The following PRDM7 variants were observed in gnomAD, a reference collection of about 807,000 sequenced individuals.
PRDM7 encodes the protein histone-lysine N-methyltransferase PRDM7.
Under a neutral mutation model 64.3 loss-of-function variants are expected in PRDM7, and 52 were observed. The ratio of observed to expected loss-of-function variants is 0.81; its 90% CI spans 0.65 to 1.02. The LOEUF is 1.02. Ranked by LOEUF, PRDM7 falls within the 50% of genes least tolerant of loss-of-function variation. PRDM7 has a pLI of 0.00. For missense variants in PRDM7, 574 were observed against 597.1 expected, an observed-to-expected ratio of 0.96 and a Z score of 0.40; for synonymous variants, 192 against 210.1, an observed-to-expected ratio of 0.91 and a Z score of 0.74.
chr16:90,072,033 A>G (rs2037965920), intron 4 of PRDM7, among the ~76,000 whole-genome samples: 1 of 152,196 alleles, frequency 6.6e-6, no homozygotes, highest in African/African-American at 2.4e-5. Context: ...GATCGAGACC[A>G]TCCTGGCTAA....
Position 90,060,630 on chromosome 16 carries a change from T to A in PRDM7, c.951-7A>T, listed in dbSNP as rs576816887. 3.1e-6 allele frequency: 5 copies of A among 1,613,880 alleles called. No individual in the cohort carries two copies. Among genetic ancestry groups the A allele is most frequent in the Non-Finnish European group, 4.2e-6 (5 of 1,179,888 alleles). ...CCGGGCACAGTTCACATACCTGGGG[T>A]CAAGGCAGGCAAAGGGAAAGAAAGA... On this transcript the variant is annotated splice_region_variant and splice_polypyrimidine_tract_variant and intron_variant, in intron 9 of 10. Transcript: ENST00000449207.
intron 4 of PRDM7, among the ~76,000 whole-genome samples, chr16:90,067,394 T>G (rs756049329): frequency 6.6e-6 from 1 of 151,108 alleles, no homozygotes; most frequent in Non-Finnish European, 1.5e-5. Flanking sequence ...ATTGGGGGCA[T>G]TGCTAATTTT....
At chr16:90,063,331 G>A (rs1168709523) in intron 6 of PRDM7, among the ~76,000 whole-genome samples, 1 of 152,080 alleles carries the variant, frequency 6.6e-6, no homozygotes, top group African/African-American at 2.4e-5. Flanking sequence ...CCAGCTACTC[G>A]GGTGACTGAG....
Position 90,061,997 on chromosome 16 carries a change from A to G in PRDM7, c.806T>C (p.Leu269Pro). 1 of 1,614,272 alleles carries G rather than the reference A, an allele frequency of 6.2e-7. No individual in the cohort carries two copies. Among genetic ancestry groups the G allele is most frequent in the Admixed American group, 1.7e-5 (1 of 60,032 alleles). ...GVWNEASDLP[L>P]GLHFGPYEGR... is the part of the protein sequence containing the mutation. ...CTCATAGGGGCCAAAGTGCAGACCCAGTGGCAGATCAGATGCCTCGTTCCA... is the reference window on the plus strand; with the variant it reads ...CTCATAGGGGCCAAAGTGCAGACCCGGTGGCAGATCAGATGCCTCGTTCCA... Residue 269 changes from leucine to proline, a missense_variant, in exon 8 of 11, where the codon CTG (leucine) becomes CCG (proline). Coordinates refer to ENST00000449207, the MANE Select transcript of PRDM7 (RefSeq NM_001098173.2).
chr16:90,065,249 C>T (rs1450570684), intron 5 of PRDM7, among the ~76,000 whole-genome samples: 2 of 147,714 alleles, frequency 1.4e-5, no homozygotes, highest in Non-Finnish European at 3.0e-5. Context: ...AAAAACTAGC[C>T]GGGTGTGGTG....
chr16:90,067,541 G>A (rs2037894462), intron 4 of PRDM7, among the ~76,000 whole-genome samples: 1 of 149,294 alleles, frequency 6.7e-6, no homozygotes, highest in Non-Finnish European at 1.5e-5. Flanking sequence ...AACAAACTAG[G>A]AATAGAAGGA....
rs770845923 is a variant in PRDM7, at chr16:90,062,429, G to C, written c.582C>G (p.Ile194Met). The change falls in exon 7 of 11, where the codon ATC becomes ATG. Residue 194 changes from isoleucine (I) to methionine (M), a missense_variant. Coordinates refer to ENST00000449207, the MANE Select transcript of PRDM7 (RefSeq NM_001098173.2). ...GGTAGTCATCATCCTGTGGCTCGCT[G>C]ATCTCTTTGTATGCATGACCCTTTC... ...RERKGHAYKE[I>M]SEPQDDDYLY... 2.5e-6 allele frequency: 4 copies of C among 1,614,020 alleles called. No homozygotes were observed. The African/African-American group carries it at 5.3e-5, about 22-fold the overall frequency.
intron 4 of PRDM7, among the ~76,000 whole-genome samples, chr16:90,073,221 A>G (rs1293821934): frequency 6.6e-6 from 1 of 152,170 alleles, no homozygotes; most frequent in East Asian, 1.9e-4. Context: ...ATGTACATAA[A>G]TGATGTATCT....
intron 4 of PRDM7, among the ~76,000 whole-genome samples, chr16:90,070,246 T>G (rs1484900276): frequency 1.3e-5 from 2 of 150,822 alleles, no homozygotes; most frequent in African/African-American, 5.0e-5. Flanking sequence ...ATGGAGCCAC[T>G]GGTAGGTAAT....
Position 90,057,174 on chromosome 16 carries a change from C to T in PRDM7, c.*1115G>A, listed in dbSNP as rs1227719299. 6.5e-6 allele frequency: 1 copy of T among 154,176 alleles called. No individual in the cohort carries two copies. The highest frequency in any genetic ancestry group is 2.4e-5 in the African/African-American group (1 of 41,384). 9.6% of individuals were successfully genotyped at this position (154,176 alleles called of 1,614,324 possible). On this transcript the variant is annotated 3_prime_UTR_variant, in exon 11 of 11. Coordinates refer to ENST00000449207, the MANE Select transcript of PRDM7 (RefSeq NM_001098173.2). ...CACATATATACACACATGCGTGTTC[C>T]TGTCTGGCGTTCACTTCTGGGGCTA...
rs60158471 is a variant in PRDM7, at chr16:90,066,959, C to T, written c.302-49G>A. The stretch of plus-strand genomic sequence containing the variant: ...GGTTTGGTTGGTAAATGTTTCCAAA[C>T]TCTAGAGATTTTTTTTTCTTTTTGA... On this transcript the variant is annotated intron_variant, in intron 4 of 10. Coordinates refer to ENST00000449207, the MANE Select transcript of PRDM7 (RefSeq NM_001098173.2). 9 of 1,492,486 alleles carry T rather than the reference C, an allele frequency of 6.0e-6. 1 individual carries two copies. The African/African-American group carries it at 1.3e-4, about 21-fold the overall frequency. 92.5% of individuals were successfully genotyped at this position (1,492,486 alleles called of 1,614,324 possible). A position where few individuals can be genotyped will look rare whatever the true frequency, so the allele number is the denominator to read the frequency against.
intron 9 of PRDM7, among the ~76,000 whole-genome samples, chr16:90,060,944 C>G (rs1007570423): frequency 6.6e-6 from 1 of 152,264 alleles, no homozygotes; most frequent in African/African-American, 2.4e-5. Flanking sequence ...AATCACCCTA[C>G]AGTTCACTCA....
At chr16:90,058,654 C>T (rs2037720065) in intron 10 of PRDM7, 120 bp from the exon 11 acceptor site, 11 of 1,229,962 alleles carry the variant, frequency 8.9e-6, no homozygotes, top group Non-Finnish European at 9.6e-6. Flanking sequence ...AAGCTCTCTC[C>T]CACCAAGTGC....
rs772722833 is a variant in PRDM7 at position 90,074,944 on chromosome 16, G to A, written c.273C>T (p.Ser91=). The A allele has an allele frequency of 7.4e-6, 12 of 1,613,846 alleles. No individual in the cohort carries two copies. The highest frequency in any genetic ancestry group is 6.6e-5 in the South Asian group (6 of 91,074). Reference sequence around the variant, plus strand: ...GCTGCCTAGGTGTCCATTCTTCATCGGAATCTTCTGTGTCATCCACCTGGA... The same window carrying A: ...GCTGCCTAGGTGTCCATTCTTCATCAGAATCTTCTGTGTCATCCACCTGGA... ...IKLQVDDTED[S]DEEWTPRQQV... Residue 91 remains serine, a synonymous_variant, in exon 4 of 11, where the codon TCC becomes TCT. Transcript: ENST00000449207.
chr16:90,061,416 G>T (rs2037774188), intron 9 of PRDM7, 36 bp downstream of exon 9: 1 of 1,539,994 alleles, frequency 6.5e-7, no homozygotes, highest in Non-Finnish European at 9.0e-7. Flanking sequence ...GAGAGATGGA[G>T]GTTCTCTCTG....
In PRDM7 at chr16:90,070,393, G is replaced by C. The variant is rs145229052; in HGVS notation, c.302-3483C>G. ...AGATCACTTGAGGCCAGGAGTTTGA[G>C]ACCAGCCTGGTCAGCATGGTAAAAC... On this transcript the variant is annotated intron_variant, in intron 4 of 10. Coordinates refer to ENST00000449207, the MANE Select transcript of PRDM7 (RefSeq NM_001098173.2). Among the ~76,000 whole-genome samples, 286 of 151,028 alleles carry C rather than the reference G, an allele frequency of 1.9e-3. 14 individuals are homozygous for C. Among genetic ancestry groups the C allele is most frequent in the African/African-American group, 6.5e-3 (262 of 40,504 alleles).
At chr16:90,073,296 GC>G (rs2151313386) in intron 4 of PRDM7, among the ~76,000 whole-genome samples, 1 of 152,104 alleles carries the variant, frequency 6.6e-6, no homozygotes, top group African/African-American at 2.4e-5. Flanking sequence ...GTGTTAGAAA[GC>G]TTTTTTGTGG....
intron 10 of PRDM7, 127 bp downstream of exon 10, chr16:90,060,214 A>G: frequency 7.3e-7 from 1 of 1,360,930 alleles, no homozygotes; most frequent in East Asian, 2.4e-5. Context: ...TTAATTTTGG[A>G]AGCCACTGAT....
rs769717584 is a variant in PRDM7 at position 90,062,086 on chromosome 16, G to T, written c.717C>A (p.Ala239=). The change falls in exon 8 of 11, where the codon GCC becomes GCA. Residue 239 remains alanine, a synonymous_variant. Coordinates refer to ENST00000449207, the MANE Select transcript of PRDM7 (RefSeq NM_001098173.2). Reference sequence around the variant, plus strand: ...TTCTCAGCCCCGGGGGCAGACTGAGGGCTGAACGGTTGGGATGCCCCTTGT... The same window carrying T: ...TTCTCAGCCCCGGGGGCAGACTGAGTGCTGAACGGTTGGGATGCCCCTTGT... The part of the protein sequence containing the change: ...AVDKGHPNRS[A]LSLPPGLRIG... The T allele has an allele frequency of 2.5e-6, 4 of 1,614,088 alleles. No individual in the cohort carries two copies. The highest frequency in any genetic ancestry group is 2.5e-6 in the Non-Finnish European group (3 of 1,180,036).
Sources: allele counts gnomAD v4.1 joint callset (sites outside exome capture counted in the v4.1 genomes callset), GRCh38; gene constraint gnomAD v4.1.1; transcripts MANE v1.5; gene names NCBI Gene and HGNC (gene_info 2026-07-23, HGNC 2026-07-21).